Variants in GK observed in about 807,000 individuals in gnomAD.
GK encodes the protein ATP:glycerol 3-phosphotransferase.
GK carries 9 observed loss-of-function variants against 56.4 expected under a neutral mutation model. The observed-to-expected ratio is 0.16, with a 90% CI of 0.10 to 0.28. The LOEUF is 0.28. Among genes scored for constraint, GK ranks in the 10% least tolerant of loss-of-function variants. The probability of loss-of-function intolerance (pLI) is 1.00; values close to 1 mark genes in which losing one functional copy is unlikely to be tolerated. For missense variants in GK, 161 were observed against 431.4 expected, an observed-to-expected ratio of 0.37 and a Z score of 5.55; for synonymous variants, 104 against 144.1, an observed-to-expected ratio of 0.72 and a Z score of 1.99.
At chrX:30,664,349 G>C (rs1023968390) in intron 1 of GK, among the ~76,000 whole-genome samples, 21 of 105,033 alleles carry the variant, frequency 2.0e-4, no homozygotes, top group Non-Finnish European at 3.7e-4. Context: ...ACAGGCATGC[G>C]CCACCACACC....
At chrX:30,679,361 G>T (rs970566529) in intron 4 of GK, among the ~76,000 whole-genome samples, 1 of 109,764 alleles carries the variant, frequency 9.1e-6, no homozygotes, top group Non-Finnish European at 1.9e-5. Context: ...GGGATTATAG[G>T]TGTGCACCAT....
intron 2 of GK, 82 bp from the exon 3 acceptor site, chrX:30,667,930 C>A: frequency 1.7e-6 from 1 of 577,413 alleles, no homozygotes; most frequent in Admixed American, 2.4e-5. Flanking sequence ...ACCAGCCACA[C>A]CCTCATAAGT....
At chrX:30,663,739 A>AT (rs1051749620) in intron 1 of GK, among the ~76,000 whole-genome samples, 5 of 108,332 alleles carry the variant, frequency 4.6e-5, no homozygotes, top group African/African-American at 1.7e-4. Context: ...TGAACAGGTA[A>AT]TTTTCTCCCA....
chrX:30,711,934 G>A (rs1012530448), intron 13 of GK, among the ~76,000 whole-genome samples: 2 of 111,558 alleles, frequency 1.8e-5, no homozygotes, highest in African/African-American at 6.5e-5. Flanking sequence ...TTTCTTTGTA[G>A]TTCTAACACT....
intron 19 of GK, among the ~76,000 whole-genome samples, chrX:30,726,152 CAAAA>C (rs999110532): frequency 9.0e-6 from 1 of 110,822 alleles, no homozygotes; most frequent in African/African-American, 3.3e-5. Flanking sequence ...ATAAAACAAA[CAAAA>C]AAAGATATCA....
intron 8 of GK, 64 bp downstream of exon 8, chrX:30,696,747 T>G: frequency 1.2e-6 from 1 of 851,042 alleles, no homozygotes. Flanking sequence ...AAAAAAAACC[T>G]AATAATTAAA....
chrX:30,716,792 G>A (rs1017086846), intron 13 of GK, among the ~76,000 whole-genome samples: 3 of 111,630 alleles, frequency 2.7e-5, no homozygotes, highest in African/African-American at 9.8e-5. Flanking sequence ...CTTATTTTAG[G>A]CAGGGAATGA....
intron 4 of GK, among the ~76,000 whole-genome samples, chrX:30,682,967 A>G (rs1229915541): frequency 9.1e-6 from 1 of 110,372 alleles, no homozygotes; most frequent in Non-Finnish European, 1.9e-5. Context: ...TGAGGGCTCC[A>G]CCCTCATGGC....
chrX:30,666,748 G>A, intron 2 of GK, among the ~76,000 whole-genome samples: 1 of 112,301 alleles, frequency 8.9e-6, no homozygotes, highest in East Asian at 2.8e-4. Flanking sequence ...TATGTTAGAG[G>A]CATTAGCATG....
chrX:30,678,014 A>C (rs749562346), intron 4 of GK: 13 of 547,577 alleles, frequency 2.4e-5, no homozygotes, highest in Non-Finnish European at 4.4e-5. Flanking sequence ...AAATGAGTGA[A>C]TGTTTGCCAA....
chrX:30,676,647 T>C (rs774521174), intron 3 of GK, among the ~76,000 whole-genome samples: 3 of 111,548 alleles, frequency 2.7e-5, no homozygotes, highest in Non-Finnish European at 5.6e-5. Context: ...GCTCCTCAGT[T>C]GATTCTAAAG....
chrX:30,681,133 C>T (rs1389246174), intron 4 of GK, among the ~76,000 whole-genome samples: 1 of 111,592 alleles, frequency 9.0e-6, no homozygotes, highest in Non-Finnish European at 1.9e-5. Context: ...GACTGAAAAG[C>T]AACAGAAACA....
intron 1 of GK, among the ~76,000 whole-genome samples, 153 bp downstream of exon 1, chrX:30,653,768 G>C (rs1411593370): frequency 1.8e-5 from 2 of 112,426 alleles, no homozygotes; most frequent in Non-Finnish European, 3.8e-5. Flanking sequence ...TGCCACACTG[G>C]GGATGCCCCA....
At chrX:30,659,615 G>A (rs756320258) in intron 1 of GK, among the ~76,000 whole-genome samples, 1 of 112,188 alleles carries the variant, frequency 8.9e-6, no homozygotes, top group East Asian at 2.8e-4. Flanking sequence ...TTTATGATAG[G>A]ACAGATGAAT....
intron 3 of GK, among the ~76,000 whole-genome samples, chrX:30,668,384 T>C (rs1224196218): frequency 2.7e-5 from 3 of 112,041 alleles, no homozygotes; most frequent in African/African-American, 9.7e-5. Flanking sequence ...GTATGGTGGG[T>C]TTTGCCTAGA....
chrX:30,695,976 C>T, intron 6 of GK, 66 bp from the exon 7 acceptor site: 1 of 600,781 alleles, frequency 1.7e-6, no homozygotes. Context: ...GATTATGACC[C>T]TTAACAATAT....
chrX:30,719,057 A>T (rs1936764830), intron 14 of GK, among the ~76,000 whole-genome samples: 1 of 111,589 alleles, frequency 9.0e-6, no homozygotes, highest in Admixed American at 9.6e-5. Context: ...CACTTGCTTA[A>T]CTTTGCCTGA....
At chrX:30,707,307 T>A (rs150908014) in intron 11 of GK, among the ~76,000 whole-genome samples, 2,766 of 103,796 alleles carry the variant, frequency 0.027, 105 homozygotes, top group African/African-American at 0.094. Context: ...TCCAGCCTGG[T>A]GACAGAGCAA....
intron 9 of GK, among the ~76,000 whole-genome samples, chrX:30,699,155 T>A (rs973271595): frequency 9.7e-6 from 1 of 102,736 alleles, no homozygotes; most frequent in Non-Finnish European, 2.0e-5. Flanking sequence ...TCCTAGTACA[T>A]CACCCCTACT....
Sources: gnomAD v4.1 joint callset for allele counts (sites outside exome capture counted in the v4.1 genomes callset) on GRCh38, gnomAD v4.1.1 for gene constraint, MANE v1.5 for transcripts, NCBI Gene and HGNC (gene_info 2026-07-23, HGNC 2026-07-21) for gene names.